The following FSBP variants were observed in gnomAD, a reference collection of about 807,000 sequenced individuals.
FSBP encodes the protein fibrinogen silencer-binding protein.
FSBP carries 18 observed loss-of-function variants against 24.6 expected under a neutral mutation model. That is an observed-to-expected ratio of 0.73 (90% confidence interval 0.51 to 1.08). FSBP has a LOEUF of 1.08. Ranked by LOEUF, FSBP falls within the 50% of genes least tolerant of loss-of-function variation. The pLI is 0.00. For synonymous variants in FSBP, 110 were observed against 125.8 expected (o/e 0.87, Z 0.84); for missense variants, 305 against 347.6 (o/e 0.88, Z 0.98).
Position 94,432,438 on chromosome 8 carries a change from G to A in FSBP, c.593C>T (p.Ser198Phe), listed in dbSNP as rs1179573398. 12 of 1,550,326 alleles carry A rather than the reference G, an allele frequency of 7.7e-6. No individual in the cohort carries two copies. Residue 198 changes from serine to phenylalanine, a missense_variant, in exon 2 of 2, where the codon TCT (serine) becomes TTT (phenylalanine). Coordinates refer to ENST00000481490, the MANE Select transcript of FSBP (RefSeq NM_001256141.2). Reference protein sequence around the residue: ...MERSLSPSLSSVDMRMTSSPS... With the variant: ...MERSLSPSLSFVDMRMTSSPS... ...AGACGATGTCATTCTCATATCAACA[G>A]AGGAAAGTGAAGGCGACAAGGATCT...
chr8:94,435,315 G>T (rs916170942), intron 1 of FSBP, among the ~76,000 whole-genome samples: 1 of 152,004 alleles, frequency 6.6e-6, no homozygotes, highest in Admixed American at 6.6e-5. Flanking sequence ...CTATCAAGTA[G>T]AAATAAGCAG....
rs900325195 is a variant in FSBP at position 94,431,882 on chromosome 8, T to C, written c.*249A>G. 3.4e-6 allele frequency: 4 copies of C among 1,164,348 alleles called. No homozygotes were observed. The highest frequency in any genetic ancestry group is 3.4e-4 in the Middle Eastern group (1 of 2,900). The allele number at this position is 1,164,348 out of a possible 1,614,324, so 72.1% of individuals were successfully genotyped here. On this transcript the variant is annotated 3_prime_UTR_variant, in exon 2 of 2. Coordinates refer to ENST00000481490, the MANE Select transcript of FSBP (RefSeq NM_001256141.2). ...ATATCTTAGTGATCAGAATAAAATA[T>C]CTTTTGTAAGGTCAACAATTAAACT...
chr8:94,434,877 A>G (rs766308502), intron 1 of FSBP, among the ~76,000 whole-genome samples: 1 of 151,502 alleles, frequency 6.6e-6, no homozygotes, highest in African/African-American at 2.4e-5. Flanking sequence ...AAATGTTCAT[A>G]TCCCAAAAGA....
At chr8:94,435,833 G>A (rs866281107) in intron 1 of FSBP, among the ~76,000 whole-genome samples, 1 of 151,806 alleles carries the variant, frequency 6.6e-6, no homozygotes, top group African/African-American at 2.4e-5. Flanking sequence ...GACTATTAAG[G>A]AATAAAAACA....
rs1034405527 is a variant in FSBP, at chr8:94,429,326, A to G, written c.*2805T>C. ...TTTTCAAGGGCTATTTTGTATATAC[A>G]TAATTTTTACCTTCCACAATTATTT... On this transcript the variant is annotated 3_prime_UTR_variant, in exon 2 of 2. Coordinates refer to ENST00000481490, the MANE Select transcript of FSBP (RefSeq NM_001256141.2). The G allele has an allele frequency of 1.0e-4, 50 of 494,830 alleles. No individual in the cohort carries two copies. The highest frequency in any genetic ancestry group is 1.0e-3 in the African/African-American group (48 of 47,732). 30.7% of individuals were successfully genotyped at this position (494,830 alleles called of 1,614,324 possible). A position where few individuals can be genotyped will look rare whatever the true frequency, so the allele number is the denominator to read the frequency against.
Position 94,427,742 on chromosome 8 carries a change from G to A in FSBP, c.*4389C>T, listed in dbSNP as rs561386628. ...ACAAAGTAGTATCTTGTATTTAAAA[G>A]AACATGTGTTAACAAAGCATTTAAC... On this transcript the variant is annotated 3_prime_UTR_variant, in exon 2 of 2. Coordinates refer to ENST00000481490, the MANE Select transcript of FSBP (RefSeq NM_001256141.2). 1.6e-5 allele frequency: 16 copies of A among 978,834 alleles called. No individual in the cohort carries two copies. In the East Asian group the frequency reaches 1.6e-3, roughly 98 times the overall value. 60.6% of individuals were successfully genotyped at this position (978,834 alleles called of 1,614,324 possible).
At position 94,429,521 on chromosome 8, in the gene FSBP, G is replaced by C; in HGVS notation, c.*2610C>G. 1 of 984,512 alleles carries C rather than the reference G, an allele frequency of 1.0e-6. No homozygotes were observed. The highest frequency in any genetic ancestry group is 1.2e-6 in the Non-Finnish European group (1 of 829,218). The allele number at this position is 984,512 out of a possible 1,614,324, so 61.0% of individuals were successfully genotyped here. A position where few individuals can be genotyped will look rare whatever the true frequency, so the allele number is the denominator to read the frequency against. On this transcript the variant is annotated 3_prime_UTR_variant, in exon 2 of 2. Coordinates refer to ENST00000481490, the MANE Select transcript of FSBP (RefSeq NM_001256141.2). ...ATTGAACATTCATTATCAATTCTTA[G>C]TAGCATGCTGAAACTGTAAAGTGAA...
rs769416217 is a variant in FSBP at position 94,427,878 on chromosome 8, A to G, written c.*4253T>C. ...AAAAGAAGGCACATGAAAAAAACTCATAGTTTAAACATTTTCACATAAGTA... is the reference window on the plus strand; with the variant it reads ...AAAAGAAGGCACATGAAAAAAACTCGTAGTTTAAACATTTTCACATAAGTA... On this transcript the variant is annotated 3_prime_UTR_variant, in exon 2 of 2. Coordinates refer to ENST00000481490, the MANE Select transcript of FSBP (RefSeq NM_001256141.2). The G allele has an allele frequency of 2.9e-5, 28 of 956,014 alleles. No individual in the cohort carries two copies. Among genetic ancestry groups the G allele is most frequent in the Non-Finnish European group, 3.5e-5 (28 of 803,252 alleles). 59.2% of individuals were successfully genotyped at this position (956,014 alleles called of 1,614,324 possible).
rs34218371 is a variant in FSBP at position 94,428,367 on chromosome 8, A to T, written c.*3764T>A. The T allele has an allele frequency of 4.0e-3, 3,907 of 968,158 alleles. 107 individuals are homozygous for T. In the African/African-American group the frequency reaches 0.063, roughly 16 times the overall value. The allele number at this position is 968,158 out of a possible 1,614,324, so 60.0% of individuals were successfully genotyped here. A position where few individuals can be genotyped will look rare whatever the true frequency, so the allele number is the denominator to read the frequency against. On this transcript the variant is annotated 3_prime_UTR_variant, in exon 2 of 2. Transcript: ENST00000481490. ...TGGCTTAAGTGTATAGTCATCCCTC[A>T]GTATCCAAGGGGGATTGGTTTCAGG...
In FSBP at chr8:94,428,109, A is replaced by G; in HGVS notation, c.*4022T>C. The G allele has an allele frequency of 1.1e-6, 1 of 921,548 alleles. No homozygotes were observed. The highest frequency in any genetic ancestry group is 1.3e-6 in the Non-Finnish European group (1 of 771,940). 57.1% of individuals were successfully genotyped at this position (921,548 alleles called of 1,614,324 possible). On this transcript the variant is annotated 3_prime_UTR_variant, in exon 2 of 2. Transcript: ENST00000481490. ...TAAGTTGTAACAACATATCCATTAC[A>G]TTCATATGGATAAGAGAAAGATAGG...
Position 94,431,928 on chromosome 8 carries a change from C to T in FSBP, c.*203G>A, listed in dbSNP as rs1167034157. 3 of 1,225,502 alleles carry T rather than the reference C, an allele frequency of 2.4e-6. No individual in the cohort carries two copies. Among genetic ancestry groups the T allele is most frequent in the South Asian group, 5.8e-5 (2 of 34,736 alleles). 75.9% of individuals were successfully genotyped at this position (1,225,502 alleles called of 1,614,324 possible). Reference sequence around the variant, plus strand: ...AAACTTAGGGAAAAAAAAAAGAAGACAATAAAAACTATAACCATGCCAACC... The same window carrying T: ...AAACTTAGGGAAAAAAAAAAGAAGATAATAAAAACTATAACCATGCCAACC... On this transcript the variant is annotated 3_prime_UTR_variant, in exon 2 of 2. Coordinates refer to ENST00000481490, the MANE Select transcript of FSBP (RefSeq NM_001256141.2).
In FSBP at chr8:94,436,796, A is replaced by G; in HGVS notation, c.73T>C (p.Tyr25His). 1.3e-6 allele frequency: 2 copies of G among 1,549,862 alleles called. No homozygotes were observed. The highest frequency in any genetic ancestry group is 8.7e-7 in the Non-Finnish European group (1 of 1,146,782). Residue 25 changes from tyrosine to histidine, a missense_variant, in exon 1 of 2, where the codon TAT becomes CAT. Transcript: ENST00000481490. The part of the protein sequence containing the change: ...KLDLLKLVKP[Y>H]VKILEEHTNK... ...GTGTGTTCTTCGAGAATTTTCACAT[A>G]TGGCTTCACAAGCTTTAGCAAATCA...
At chr8:94,436,457 C>T (rs137941465) in intron 1 of FSBP, 38 bp downstream of exon 1, 20 of 1,489,824 alleles carry the variant, frequency 1.3e-5, no homozygotes, top group East Asian at 7.4e-5. Context: ...AGATAGGAGG[C>T]GCCATAATTT....
Position 94,431,374 on chromosome 8 carries a change from G to C in FSBP, c.*757C>G. The C allele has an allele frequency of 4.1e-6, 4 of 984,348 alleles. No homozygotes were observed. The highest frequency in any genetic ancestry group is 4.8e-6 in the Non-Finnish European group (4 of 829,032). 61.0% of individuals were successfully genotyped at this position (984,348 alleles called of 1,614,324 possible). On this transcript the variant is annotated 3_prime_UTR_variant, in exon 2 of 2. Coordinates refer to ENST00000481490, the MANE Select transcript of FSBP (RefSeq NM_001256141.2). ...GAACAAAAATAGAGAGAGAATGGGG[G>C]TAATTGATGTAATTATCCTGATTTC...
chr8:94,427,861 G>A lies in FSBP; in HGVS notation c.*4270C>T. Reference sequence around the variant, plus strand: ...AAAGTTGACATTACTCCAAAAGAAGGCACATGAAAAAAACTCATAGTTTAA... The same window carrying A: ...AAAGTTGACATTACTCCAAAAGAAGACACATGAAAAAAACTCATAGTTTAA... On this transcript the variant is annotated 3_prime_UTR_variant, in exon 2 of 2. Transcript: ENST00000481490. 2 of 959,236 alleles carry A rather than the reference G, an allele frequency of 2.1e-6. No individual in the cohort carries two copies. The highest frequency in any genetic ancestry group is 2.5e-6 in the Non-Finnish European group (2 of 807,022). 59.4% of individuals were successfully genotyped at this position (959,236 alleles called of 1,614,324 possible). A position where few individuals can be genotyped will look rare whatever the true frequency, so the allele number is the denominator to read the frequency against.
chr8:94,432,069 T>C lies in FSBP; in HGVS notation c.*62A>G. On this transcript the variant is annotated 3_prime_UTR_variant, in exon 2 of 2. Coordinates refer to ENST00000481490, the MANE Select transcript of FSBP (RefSeq NM_001256141.2). ...GAACGTGTATTCTGTTTCAGGATAT[T>C]CCCAAATTAAAGTAATTTGGCCAAA... The C allele has an allele frequency of 2.7e-6, 4 of 1,478,450 alleles. No homozygotes were observed. Among genetic ancestry groups the C allele is most frequent in the Non-Finnish European group, 3.6e-6 (4 of 1,118,574 alleles). The allele number at this position is 1,478,450 out of a possible 1,614,324, so 91.6% of individuals were successfully genotyped here. A position where few individuals can be genotyped will look rare whatever the true frequency, so the allele number is the denominator to read the frequency against.
chr8:94,433,286 A>G (rs1387977157), intron 1 of FSBP, among the ~76,000 whole-genome samples: 1 of 152,100 alleles, frequency 6.6e-6, no homozygotes, highest in East Asian at 1.9e-4. Context: ...CGTTTTACCT[A>G]TTCTGAACCA....
At chr8:94,433,162 A>T (rs1812160146) in intron 1 of FSBP, among the ~76,000 whole-genome samples, 1 of 152,148 alleles carries the variant, frequency 6.6e-6, no homozygotes, top group Non-Finnish European at 1.5e-5. Context: ...TGATTTCTGC[A>T]TTTGCCCAAA....
At position 94,430,852 on chromosome 8, in the gene FSBP, T is replaced by C. The variant is rs1812074432; in HGVS notation, c.*1279A>G. The C allele has an allele frequency of 1.0e-6, 1 of 985,464 alleles. No homozygotes were observed. Among genetic ancestry groups the C allele is most frequent in the African/African-American group, 1.7e-5 (1 of 57,362 alleles). The allele number at this position is 985,464 out of a possible 1,614,324, so 61.0% of individuals were successfully genotyped here. Reference sequence around the variant, plus strand: ...CCTACCTAGTCCAGGGAGATGTCCTTCCTAGTCCAGGATACTACAGCCCAA... The same window carrying C: ...CCTACCTAGTCCAGGGAGATGTCCTCCCTAGTCCAGGATACTACAGCCCAA... On this transcript the variant is annotated 3_prime_UTR_variant, in exon 2 of 2. Transcript: ENST00000481490.
Sources: gnomAD v4.1 joint callset for allele counts (sites outside exome capture counted in the v4.1 genomes callset) on GRCh38, gnomAD v4.1.1 for gene constraint, MANE v1.5 for transcripts, NCBI Gene and HGNC (gene_info 2026-07-23, HGNC 2026-07-21) for gene names.